USH1C: variants seen among roughly 807,000 people sequenced by gnomAD.
USH1C encodes harmonin.
In USH1C, 90 loss-of-function variants were observed where a neutral mutation model predicts 119.3. The ratio of observed to expected loss-of-function variants is 0.75; its 90% CI spans 0.64 to 0.90. USH1C has a LOEUF of 0.90. Ranked by LOEUF, USH1C falls within the 40% of genes least tolerant of loss-of-function variation. USH1C has a pLI of 0.00. For synonymous variants in USH1C, 465 were observed against 443.3 expected, an observed-to-expected ratio of 1.05 and a Z score of -0.62; for missense variants, 1,165 against 1,167.7, an observed-to-expected ratio of 1.00 and a Z score of 0.03.
intron 24 of USH1C, 97 bp downstream of exon 24, chr11:17,498,065 C>A: frequency 9.0e-7 from 1 of 1,110,566 alleles, no homozygotes. Context: ...AGATGCCCAC[C>A]CTGGAATGAG....
chr11:17,508,203 G>T lies in USH1C; in HGVS notation c.2013+1153C>A, dbSNP rs571738761. ...AACCAGCTCCTGGCTGGGCTCTGGG[G>T]AAAGATGTCCCGAGAACAGGCAGAT... On this transcript the variant is annotated intron_variant, in intron 18 of 26. Transcript: ENST00000005226. 1.6e-4 allele frequency among the ~76,000 whole-genome samples: 25 copies of T among 152,352 alleles called. No homozygotes were observed. The South Asian group carries it at 4.8e-3, about 29-fold the overall frequency.
At chr11:17,526,879 C>T (rs1284871317) in intron 6 of USH1C, 69 bp from the exon 7 acceptor site, 3 of 1,593,842 alleles carry the variant, frequency 1.9e-6, no homozygotes, top group Non-Finnish European at 2.6e-6. Context: ...GCCCCACATC[C>T]AGATCCACCA....
intron 23 of USH1C, among the ~76,000 whole-genome samples, chr11:17,499,418 G>A (rs2283252): frequency 0.031 from 4,707 of 152,252 alleles, 194 homozygotes; most frequent in East Asian, 0.19. Flanking sequence ...ACTGGGGATG[G>A]GTGACTTTCA....
At chr11:17,500,362 T>C (rs1388503048) in intron 23 of USH1C, among the ~76,000 whole-genome samples, 1 of 152,204 alleles carries the variant, frequency 6.6e-6, no homozygotes, top group Admixed American at 6.5e-5. Flanking sequence ...GAACAAATAC[T>C]TTAACCTCTC....
intron 14 of USH1C, among the ~76,000 whole-genome samples, chr11:17,519,955 G>C (rs1850340007): frequency 6.6e-6 from 1 of 152,228 alleles, no homozygotes; most frequent in African/African-American, 2.4e-5. Context: ...CCCCACAGCA[G>C]AGATGGGGAA....
rs533272720 is a variant in USH1C, at chr11:17,515,596, ATT to A, written c.1260+643_1260+644del. On this transcript the variant is annotated intron_variant, in intron 15 of 26. Coordinates refer to ENST00000005226, the MANE Select transcript of USH1C (RefSeq NM_153676.4). ...TCATCTCGAATGTCCAATTATAGATATTAACAGCAATGTTTTCACAATCAAAT... is the reference window on the plus strand; with the variant it reads ...TCATCTCGAATGTCCAATTATAGATAAACAGCAATGTTTTCACAATCAAAT... 2.0e-4 allele frequency among the ~76,000 whole-genome samples: 30 copies of A among 152,344 alleles called. 1 individual carries two copies. The South Asian group carries it at 5.4e-3, about 27-fold the overall frequency.
intron 1 of USH1C, among the ~76,000 whole-genome samples, chr11:17,537,456 G>A (rs111503966): frequency 0.024 from 3,665 of 152,240 alleles, 146 homozygotes; most frequent in African/African-American, 0.084. Flanking sequence ...GCCCAGTGGC[G>A]TCCGTTGATG....
At position 17,518,951 on chromosome 11, in the gene USH1C, G is replaced by A. The variant is rs908112997; in HGVS notation, c.1210+1919C>T. 7.9e-5 allele frequency among the ~76,000 whole-genome samples: 12 copies of A among 152,208 alleles called. No individual in the cohort carries two copies. In the South Asian group the frequency reaches 1.7e-3, roughly 21 times the overall value. ...CAGGAGAATTGCTTGAACCCAGGAG[G>A]CGGAGGCTGCGGGGAGCTGAGATCA... On this transcript the variant is annotated intron_variant, in intron 14 of 26. Transcript: ENST00000005226.
chr11:17,526,773 G>T lies in USH1C; in HGVS notation c.559C>A (p.Gln187Lys). Residue 187 changes from glutamine (Q) to lysine (K), a missense_variant, in exon 7 of 27, where the codon CAG becomes AAG. Physicochemically the swap from Gln to Lys is moderately conservative, Grantham distance 53. Coordinates refer to ENST00000005226, the MANE Select transcript of USH1C (RefSeq NM_153676.4). ...CTTACCCCAGATTCCGACACAAACT[G>T]ATCCACATACTGCCAAGTGAGGGGC... is the stretch of plus-strand genomic sequence containing the variant. ...DEPLTWQYVDQFVSESGGVRG... is the reference protein window; with the variant it reads ...DEPLTWQYVDKFVSESGGVRG... 6.2e-7 allele frequency: 1 copy of T among 1,614,174 alleles called. No homozygotes were observed.
At position 17,531,946 on chromosome 11, in the gene USH1C, C is replaced by T. The variant is rs1348581741; in HGVS notation, c.105-404G>A. Reference sequence around the variant, plus strand: ...CACCTCACCACAGTTCACATGCCTCCTCCCTCATGCTGTTCAGACCTTCGA... The same window carrying T: ...CACCTCACCACAGTTCACATGCCTCTTCCCTCATGCTGTTCAGACCTTCGA... On this transcript the variant is annotated intron_variant, in intron 2 of 26. Transcript: ENST00000005226. This position sits in a 1 kb window ranked among gnomAD's most constrained non-coding sequence, Gnocchi z 4.2. 5.3e-5 allele frequency among the ~76,000 whole-genome samples: 8 copies of T among 152,222 alleles called. No individual in the cohort carries two copies. The highest frequency in any genetic ancestry group is 1.2e-4 in the Non-Finnish European group (8 of 68,042).
intron 1 of USH1C, among the ~76,000 whole-genome samples, chr11:17,538,002 T>C (rs1386921744): frequency 6.9e-6 from 1 of 145,218 alleles, no homozygotes; most frequent in Admixed American, 6.6e-5. Context: ...AACTCCTTTG[T>C]TGTCCACTTG....
chr11:17,508,363 C>G (rs1849730118), intron 18 of USH1C, among the ~76,000 whole-genome samples: 1 of 152,184 alleles, frequency 6.6e-6, no homozygotes, highest in African/African-American at 2.4e-5. Context: ...CTTGTAAGCT[C>G]TCCTGAGTGC....
At chr11:17,498,752 A>G (rs1017117186) in intron 23 of USH1C, among the ~76,000 whole-genome samples, 1 of 152,230 alleles carries the variant, frequency 6.6e-6, no homozygotes, top group African/African-American at 2.4e-5. Flanking sequence ...ACCCCCGCTC[A>G]GTCGAATGTA....
intron 14 of USH1C, chr11:17,517,331 C>T: frequency 6.7e-7 from 1 of 1,493,034 alleles, no homozygotes; most frequent in Non-Finnish European, 9.1e-7. Context: ...GGTGTCTGCA[C>T]TGCGGTCAGG....
At chr11:17,535,435 C>A (rs187695180) in intron 1 of USH1C, among the ~76,000 whole-genome samples, 2 of 152,064 alleles carry the variant, frequency 1.3e-5, no homozygotes, top group Admixed American at 1.3e-4. Flanking sequence ...CTCCTGCACC[C>A]CGGAGATGTT....
chr11:17,519,307 C>A (rs1190706704), intron 14 of USH1C, among the ~76,000 whole-genome samples: 4 of 152,252 alleles, frequency 2.6e-5, no homozygotes, highest in Non-Finnish European at 2.9e-5. Context: ...GCTGTCCCAG[C>A]TCAGCGGGCA....
Position 17,522,823 on chromosome 11 carries a change from G to T in USH1C, c.980C>A (p.Ser327Tyr). ...LLMQKRLAMESNKILQEQQEM... is the reference protein window; with the variant it reads ...LLMQKRLAMEYNKILQEQQEM... The stretch of plus-strand genomic sequence containing the variant: ...CTGCTGCTCCTGGAGGATCTTGTTG[G>T]ACTCCATCGCCAGCCGCTTCTGCAT... Residue 327 changes from serine (S) to tyrosine (Y), a missense_variant, in exon 12 of 27, where the codon TCC becomes TAC. Physicochemically the swap from Ser to Tyr is moderately radical, Grantham distance 144. Coordinates refer to ENST00000005226, the MANE Select transcript of USH1C (RefSeq NM_153676.4). 6.2e-7 allele frequency: 1 copy of T among 1,613,940 alleles called. No individual in the cohort carries two copies. The highest frequency in any genetic ancestry group is 8.5e-7 in the Non-Finnish European group (1 of 1,179,972).
At chr11:17,522,955 A>C in intron 11 of USH1C, 29 bp from the exon 12 acceptor site, 2 of 1,603,590 alleles carry the variant, frequency 1.2e-6, no homozygotes, top group Non-Finnish European at 1.7e-6. Flanking sequence ...CCCCTTGCTC[A>C]GCCCCCGGGG....
chr11:17,504,754 GC>G lies in USH1C; in HGVS notation c.2134-58del, dbSNP rs1288385512. On this transcript the variant is annotated intron_variant, in intron 19 of 26. Transcript: ENST00000005226. ...TGGATGTTACCAATAGGTCTTGGCT[GC>G]CCCCTGGTGCCAGGCTTCGGGCCTG... The G allele has an allele frequency of 2.9e-5, 45 of 1,577,900 alleles. No homozygotes were observed. In the East Asian group the frequency reaches 8.7e-4, roughly 31 times the overall value.
Sources: gnomAD v4.1 joint callset for allele counts (sites outside exome capture counted in the v4.1 genomes callset) on GRCh38, gnomAD v4.1.1 for gene constraint, Gnocchi (gnomAD v3.1) non-coding constraint, MANE v1.5 for transcripts, NCBI Gene and HGNC (gene_info 2026-07-23, HGNC 2026-07-21) for gene names.